CPA6: variants seen among roughly 807,000 people sequenced by gnomAD.
CPA6 encodes carboxypeptidase B.
CPA6 carries 58 observed loss-of-function variants against 63.3 expected under a neutral mutation model. The observed-to-expected ratio is 0.92, with a 90% CI of 0.74 to 1.14. The LOEUF (loss-of-function observed/expected upper bound fraction) is 1.14. Ranked by LOEUF, CPA6 falls within the 50% of genes most tolerant of loss-of-function variation. The pLI is 0.00. For missense variants in CPA6, 565 were observed against 526.6 expected, an observed-to-expected ratio of 1.07 and a Z score of -0.71; for synonymous variants, 185 against 179.0, an observed-to-expected ratio of 1.03 and a Z score of -0.27.
At chr8:67,545,874 T>C (rs7003223) in intron 2 of CPA6, among the ~76,000 whole-genome samples, 7,385 of 152,186 alleles carry the variant, frequency 0.049, 489 homozygotes, top group African/African-American at 0.15. Flanking sequence ...ACTGTTATCT[T>C]TCTAAAATGC....
At chr8:67,687,896 A>G (rs1384839747) in intron 1 of CPA6, among the ~76,000 whole-genome samples, 2 of 152,232 alleles carry the variant, frequency 1.3e-5, no homozygotes. Context: ...AAGATTTAAT[A>G]CTACAGTCAG....
chr8:67,709,936 C>T (rs908232137), intron 1 of CPA6, among the ~76,000 whole-genome samples: 17 of 151,990 alleles, frequency 1.1e-4, no homozygotes, highest in African/African-American at 4.1e-4. Context: ...CATGGTGAAA[C>T]CCCGTCTCTA....
At chr8:67,623,924 G>C (rs1241033501) in intron 2 of CPA6, among the ~76,000 whole-genome samples, 1 of 152,046 alleles carries the variant, frequency 6.6e-6, no homozygotes, top group Non-Finnish European at 1.5e-5. Context: ...TTGAACCCGG[G>C]AGGTGGAGGC....
intron 1 of CPA6, among the ~76,000 whole-genome samples, chr8:67,630,626 G>A (rs1563368722): frequency 6.6e-6 from 1 of 152,230 alleles, no homozygotes; most frequent in Non-Finnish European, 1.5e-5. Flanking sequence ...CTCTGGCCAT[G>A]CTTGGGGAAC....
At chr8:67,740,606 G>A (rs1817893285) in intron 1 of CPA6, among the ~76,000 whole-genome samples, 1 of 152,134 alleles carries the variant, frequency 6.6e-6, no homozygotes, top group Non-Finnish European at 1.5e-5. Context: ...GTCTTGCTCT[G>A]ATGCCCAGAC....
At chr8:67,730,434 A>G (rs1223932449) in intron 1 of CPA6, among the ~76,000 whole-genome samples, 1 of 152,200 alleles carries the variant, frequency 6.6e-6, no homozygotes, top group Non-Finnish European at 1.5e-5. Flanking sequence ...GCAACCTGGA[A>G]GCTCTCTGAA....
At chr8:67,535,830 T>C (rs1397012577) in intron 2 of CPA6, among the ~76,000 whole-genome samples, 1 of 152,224 alleles carries the variant, frequency 6.6e-6, no homozygotes. Flanking sequence ...AGGGTTTTTA[T>C]GGTTTTAGGT....
At chr8:67,675,716 T>C (rs1445296686) in intron 1 of CPA6, among the ~76,000 whole-genome samples, 1 of 152,218 alleles carries the variant, frequency 6.6e-6, no homozygotes, top group African/African-American at 2.4e-5. Context: ...TGGAGGGGGC[T>C]TTTTGCAAGC....
intron 3 of CPA6, among the ~76,000 whole-genome samples, chr8:67,513,837 C>T (rs1812089575): frequency 6.6e-6 from 1 of 152,140 alleles, no homozygotes; most frequent in African/African-American, 2.4e-5. Context: ...ATGATTCCTA[C>T]CCCAGTTGTG....
chr8:67,566,365 T>C (rs1392543966), intron 2 of CPA6, among the ~76,000 whole-genome samples: 5 of 152,214 alleles, frequency 3.3e-5, no homozygotes, highest in Non-Finnish European at 7.3e-5. Context: ...GTCCAGGAAG[T>C]TGTCAATGTC....
chr8:67,709,884 G>T (rs1273082059), intron 1 of CPA6, among the ~76,000 whole-genome samples: 3 of 152,128 alleles, frequency 2.0e-5, no homozygotes, highest in Admixed American at 6.5e-5. Flanking sequence ...GCTGAGGCAG[G>T]TGGATTACCT....
At chr8:67,695,207 C>T (rs1333685934) in intron 1 of CPA6, among the ~76,000 whole-genome samples, 1 of 152,122 alleles carries the variant, frequency 6.6e-6, no homozygotes, top group African/African-American at 2.4e-5. Flanking sequence ...CCAATAAGCT[C>T]ATGAACAAAA....
intron 1 of CPA6, among the ~76,000 whole-genome samples, chr8:67,702,890 T>C (rs181980558): frequency 7.9e-5 from 12 of 152,278 alleles, no homozygotes; most frequent in Admixed American, 7.2e-4. Context: ...CCAAGTTGCC[T>C]GCTTGGCCCT....
At chr8:67,497,465 T>C (rs977889120) in intron 6 of CPA6, among the ~76,000 whole-genome samples, 9 of 152,196 alleles carry the variant, frequency 5.9e-5, no homozygotes, top group Non-Finnish European at 1.3e-4. Context: ...TGCCCTGTTG[T>C]ATGGTTATAC....
At chr8:67,616,366 C>T (rs1231492973) in intron 2 of CPA6, among the ~76,000 whole-genome samples, 6 of 152,074 alleles carry the variant, frequency 3.9e-5, no homozygotes, top group Non-Finnish European at 8.8e-5. Context: ...GTGAGGGCTG[C>T]AGAAAAGACA....
intron 2 of CPA6, among the ~76,000 whole-genome samples, chr8:67,548,291 G>A (rs1465984483): frequency 7.8e-6 from 1 of 128,672 alleles, no homozygotes; most frequent in African/African-American, 2.9e-5. Flanking sequence ...TGACTCTATT[G>A]CCCAGCCTGG....
intron 1 of CPA6, among the ~76,000 whole-genome samples, chr8:67,745,513 T>C (rs979449960): frequency 6.6e-6 from 1 of 152,170 alleles, no homozygotes; most frequent in Non-Finnish European, 1.5e-5. Flanking sequence ...TTATTTTGAG[T>C]TGAATCATTT....
chr8:67,744,853 T>C (rs1817979030), intron 1 of CPA6, among the ~76,000 whole-genome samples: 1 of 152,116 alleles, frequency 6.6e-6, no homozygotes, highest in Non-Finnish European at 1.5e-5. Context: ...CATATTGCCA[T>C]CTATAGCCCC....
chr8:67,743,851 A>G (rs1395890818), intron 1 of CPA6, among the ~76,000 whole-genome samples: 2 of 152,220 alleles, frequency 1.3e-5, no homozygotes, highest in Non-Finnish European at 2.9e-5. Context: ...AAGACCTACA[A>G]AAATATTTTT....
Sources: gnomAD v4.1 joint callset for allele counts (sites outside exome capture counted in the v4.1 genomes callset) on GRCh38, gnomAD v4.1.1 for gene constraint, MANE v1.5 for transcripts, NCBI Gene and HGNC (gene_info 2026-07-23, HGNC 2026-07-21) for gene names.